The following CHD1L variants were observed in gnomAD, a reference collection of about 807,000 sequenced individuals.
The protein encoded by CHD1L is ATP-dependent chromatin remodeler CHD1L.
Under a neutral mutation model 115.9 loss-of-function variants are expected in CHD1L, and 118 were observed. That is an observed-to-expected ratio of 1.02 (90% CI 0.88 to 1.19). CHD1L has a LOEUF of 1.19. CHD1L is among the 50% of genes most tolerant of loss of function. The pLI is 0.00. For synonymous variants in CHD1L, 411 were observed against 387.1 expected (o/e 1.06, Z -0.72); for missense variants, 1,179 against 1,065.3 (o/e 1.11, Z -1.49).
intron 14 of CHD1L, 54 bp downstream of exon 14, chr1:147,276,311 A>G (rs587600121): frequency 6.4e-7 from 1 of 1,571,588 alleles, no homozygotes; most frequent in African/African-American, 1.4e-5. Flanking sequence ...CCCTTTGTGG[A>G]GGAGAATGTA....
chr1:147,185,520 T>C, the CHD1L span, among the ~76,000 whole-genome samples: 2 of 152,144 alleles, frequency 1.3e-5, no homozygotes, highest in African/African-American at 4.8e-5. Context: ...TCAAAAGGCA[T>C]TCCACAGGTA....
At chr1:147,177,880 C>A in the CHD1L span, among the ~76,000 whole-genome samples, 3 of 151,328 alleles carry the variant, frequency 2.0e-5, no homozygotes, top group Non-Finnish European at 4.4e-5. Context: ...TATGAAACTT[C>A]TTTTTTTTTA....
Position 147,293,613 on chromosome 1 carries a change from CT to C in CHD1L, c.2399del (p.Leu800Ter), listed in dbSNP as rs781989601. On this transcript the variant is annotated frameshift_variant, in exon 21 of 23. Transcript: ENST00000369258. LOFTEE classifies it high-confidence loss of function. The stretch of plus-strand genomic sequence containing the variant: ...CTAATGGTGGTTCTTTCCAGTTGGC[CT>C]TGATTGTGGCTCAGCATCGTGATCG... Reference protein sequence around the residue: ...SRNKGQDLLALIVAQHRDRSN... With the variant: ...SRNKGQDLLAXIVAQHRDRSN... 9.9e-6 allele frequency: 16 copies of C among 1,613,882 alleles called. No individual in the cohort carries two copies. In the Middle Eastern group the frequency reaches 8.2e-4, roughly 83 times the overall value.
At chr1:147,255,016 G>A (rs781983302) in intron 3 of CHD1L, 40 bp downstream of exon 3, 20 of 1,423,968 alleles carry the variant, frequency 1.4e-5, no homozygotes, top group Middle Eastern at 1.8e-4. Context: ...TGTTTATCTT[G>A]ATTAAGATTT....
At chr1:147,186,296 T>G in the CHD1L span, 1 of 980,998 alleles carries the variant, frequency 1.0e-6, no homozygotes, top group South Asian at 4.7e-5. Context: ...AATAAAGACA[T>G]GGTTCCTAAG....
At chr1:147,193,188 C>G in the CHD1L span, among the ~76,000 whole-genome samples, 135 of 152,178 alleles carry the variant, frequency 8.9e-4, 1 homozygote, top group African/African-American at 2.8e-3. Flanking sequence ...AATTTCAGAG[C>G]CTGTTATTGG....
In CHD1L at chr1:147,286,473, G is replaced by A. The variant is rs782120913; in HGVS notation, c.2194G>A (p.Glu732Lys). Residue 732 changes from glutamate to lysine, a missense_variant, in exon 18 of 23, where the codon GAG (glutamate) becomes AAG (lysine). Glu to Lys is a moderately conservative substitution (Grantham distance 56). Coordinates refer to ENST00000369258, the MANE Select transcript of CHD1L (RefSeq NM_004284.6). ...GDVTHPQAGA[E>K]DALIVHCVDD... ...TGTCACCCACCCTCAGGCTGGGGCC[G>A]AGGATGCTCTCATTGTGCACTGCGT... The A allele has an allele frequency of 2.4e-5, 38 of 1,613,788 alleles. No homozygotes were observed. Among genetic ancestry groups the A allele is most frequent in the Middle Eastern group, 1.7e-4 (1 of 5,936 alleles).
intron 7 of CHD1L, among the ~76,000 whole-genome samples, chr1:147,265,147 G>A (rs1673383160): frequency 1.3e-5 from 2 of 152,124 alleles, no homozygotes; most frequent in Admixed American, 1.3e-4. Flanking sequence ...AAAACAGGTA[G>A]GAGGTATGCC....
the CHD1L span, among the ~76,000 whole-genome samples, chr1:147,231,071 C>T: frequency 2.0e-5 from 3 of 152,136 alleles, no homozygotes; most frequent in East Asian, 5.8e-4. Context: ...TTCGCTCTTG[C>T]TTCTCTAGTT....
chr1:147,294,385 C>T (rs201557386), intron 21 of CHD1L, 24 bp from the exon 22 acceptor site: 1 of 1,541,908 alleles, frequency 6.5e-7, no homozygotes, highest in Non-Finnish European at 8.9e-7. Flanking sequence ...TGAGTGAAGA[C>T]ATGTGTTCTT....
At chr1:147,287,128 CTG>C (rs1553966644) in intron 18 of CHD1L, among the ~76,000 whole-genome samples, 1 of 152,184 alleles carries the variant, frequency 6.6e-6, no homozygotes, top group African/African-American at 2.4e-5. Context: ...GCTGCTGTGA[CTG>C]TGGTGCCTAG....
rs192293801 is a variant in CHD1L, at chr1:147,280,738, G to A, written c.1705+547G>A. 1.1e-3 allele frequency among the ~76,000 whole-genome samples: 170 copies of A among 152,016 alleles called. 1 individual carries two copies. Among genetic ancestry groups the A allele is most frequent in the African/African-American group, 3.8e-3 (157 of 41,476 alleles). Reference sequence around the variant, plus strand: ...GAATTTGGTCAGCATTTGTCATTTTGTTCTTTTCTATTCTGAGCACTTAAA... The same window carrying A: ...GAATTTGGTCAGCATTTGTCATTTTATTCTTTTCTATTCTGAGCACTTAAA... On this transcript the variant is annotated intron_variant, in intron 15 of 22. Transcript: ENST00000369258.
At chr1:147,192,072 A>G in the CHD1L span, among the ~76,000 whole-genome samples, 4 of 152,128 alleles carry the variant, frequency 2.6e-5, no homozygotes, top group African/African-American at 9.7e-5. Context: ...CTTGATGCGG[A>G]TGGCATTTAA....
the CHD1L span, chr1:147,204,164 A>C: frequency 1.6e-6 from 2 of 1,228,682 alleles, no homozygotes; most frequent in Non-Finnish European, 2.4e-6. Flanking sequence ...CTTTATCAAC[A>C]CTGTTCCCTT....
chr1:147,260,777 T>A (rs1330967128), intron 6 of CHD1L: 4 of 152,234 alleles, frequency 2.6e-5, no homozygotes, highest in African/African-American at 9.7e-5. Context: ...ATAATACACT[T>A]GCTTTCATTC....
At chr1:147,178,340 G>C in the CHD1L span, 3 of 1,612,602 alleles carry the variant, frequency 1.9e-6, no homozygotes, top group Non-Finnish European at 2.5e-6. Context: ...AGATTAAAAG[G>C]AATAGTCCCA....
Position 147,294,378 on chromosome 1 carries a change from G to A in CHD1L, c.2507-31G>A, listed in dbSNP as rs782025452. 3 of 1,519,102 alleles carry A rather than the reference G, an allele frequency of 2.0e-6. No homozygotes were observed. The Admixed American group carries it at 5.5e-5, about 28-fold the overall frequency. The allele number at this position is 1,519,102 out of a possible 1,614,324, so 94.1% of individuals were successfully genotyped here. ...ATACCCATCAATCAATTTTTGATGAGTGAAGACATGTGTTCTTCTCTTCAT... is the reference window on the plus strand; with the variant it reads ...ATACCCATCAATCAATTTTTGATGAATGAAGACATGTGTTCTTCTCTTCAT... On this transcript the variant is annotated intron_variant, in intron 21 of 22. Transcript: ENST00000369258.
the CHD1L span, chr1:147,179,754 T>C: frequency 4.8e-6 from 3 of 625,870 alleles, no homozygotes; most frequent in Admixed American, 2.9e-5. Flanking sequence ...GGATATAATC[T>C]GAATCCTGTT....
the CHD1L span, among the ~76,000 whole-genome samples, chr1:147,183,587 A>G: frequency 6.6e-6 from 1 of 152,202 alleles, no homozygotes; most frequent in African/African-American, 2.4e-5. Flanking sequence ...GAAGAACACT[A>G]GTTGTAATGA....
Sources: gnomAD v4.1 joint callset for allele counts (sites outside exome capture counted in the v4.1 genomes callset) on GRCh38, gnomAD v4.1.1 for gene constraint, MANE v1.5 for transcripts, NCBI Gene and HGNC (gene_info 2026-07-23, HGNC 2026-07-21) for gene names.